Variants in KALRN observed in about 807,000 individuals in gnomAD.
KALRN encodes kalirin RhoGEF kinase, also known as kalirin.
In KALRN, 70 loss-of-function variants were observed where a neutral mutation model predicts 353.7. The observed-to-expected ratio is 0.20, with a 90% CI of 0.16 to 0.24. KALRN has a LOEUF of 0.24. Among genes scored for constraint, KALRN ranks in the 10% least tolerant of loss-of-function variants. The probability of loss-of-function intolerance (pLI) is 1.00; values close to 1 mark genes in which losing one functional copy is unlikely to be tolerated. For missense variants in KALRN, 2,791 were observed against 3,756.7 expected (o/e 0.74, Z 6.72); for synonymous variants, 1,391 against 1,434.8 (o/e 0.97, Z 0.69).
intron 58 of KALRN, among the ~76,000 whole-genome samples, chr3:124,715,673 G>A (rs1477383239): frequency 3.9e-5 from 6 of 152,326 alleles, no homozygotes; most frequent in African/African-American, 1.4e-4. Context: ...AAGCTAGAGG[G>A]GAAGAGGTAA....
At chr3:124,674,258 C>T in intron 48 of KALRN, 106 bp from the exon 49 acceptor site, 1 of 1,116,150 alleles carries the variant, frequency 9.0e-7, no homozygotes, top group Non-Finnish European at 1.3e-6. Flanking sequence ...GCTGCCTACC[C>T]TGCTAGTGGG....
At chr3:124,688,287 T>A (rs1463552695) in intron 51 of KALRN, among the ~76,000 whole-genome samples, 6 of 135,106 alleles carry the variant, frequency 4.4e-5, no homozygotes, top group Non-Finnish European at 9.1e-5. Flanking sequence ...CACTCCAGCA[T>A]GAGCAACAGC....
chr3:124,333,574 A>G (rs1459497018), intron 8 of KALRN, among the ~76,000 whole-genome samples: 2 of 152,084 alleles, frequency 1.3e-5, no homozygotes, highest in Non-Finnish European at 2.9e-5. Flanking sequence ...ATGCTGTCTG[A>G]CCTGGTGTGA....
intron 17 of KALRN, among the ~76,000 whole-genome samples, chr3:124,435,033 G>T (rs2093414236): frequency 6.6e-6 from 1 of 152,124 alleles, no homozygotes; most frequent in Non-Finnish European, 1.5e-5. Flanking sequence ...ATAGTTAAAG[G>T]CAGGAATGCA....
intron 1 of KALRN, among the ~76,000 whole-genome samples, chr3:124,132,118 T>C (rs1458569356): frequency 6.6e-6 from 1 of 152,170 alleles, no homozygotes; most frequent in Non-Finnish European, 1.5e-5. Context: ...TAACAAACAA[T>C]ATCCATTATT....
intron 1 of KALRN, among the ~76,000 whole-genome samples, chr3:124,102,300 T>C (rs1298018531): frequency 2.0e-5 from 3 of 152,206 alleles, no homozygotes; most frequent in Non-Finnish European, 4.4e-5. Context: ...CCTGTTGTTC[T>C]ATACCAGAGC....
In KALRN at chr3:124,117,391, A is replaced by G. The variant is rs74486014; in HGVS notation, c.73+83578A>G. Among the ~76,000 whole-genome samples, 62 of 152,098 alleles carry G rather than the reference A, an allele frequency of 4.1e-4. 1 individual carries two copies. In the East Asian group the frequency reaches 0.011, roughly 28 times the overall value. ...AAATTATTTTATATTTAAATAACTAAACATTTATTAAGGGTCATCTCTGGA... is the reference window on the plus strand; with the variant it reads ...AAATTATTTTATATTTAAATAACTAGACATTTATTAAGGGTCATCTCTGGA... On this transcript the variant is annotated intron_variant, in intron 1 of 59. Transcript: ENST00000682506.
At chr3:124,401,797 A>T (rs556085719) in intron 13 of KALRN, among the ~76,000 whole-genome samples, 14 of 152,246 alleles carry the variant, frequency 9.2e-5, no homozygotes, top group African/African-American at 3.4e-4. Flanking sequence ...AATCCTGCCA[A>T]ACCTATAGAA....
intron 1 of KALRN, among the ~76,000 whole-genome samples, chr3:124,209,645 G>A (rs2076733819): frequency 6.6e-6 from 1 of 152,060 alleles, no homozygotes; most frequent in African/African-American, 2.4e-5. Context: ...AAACCACTAA[G>A]AAATTATAGG....
At chr3:124,357,714 ATATCTCTAT>A (rs573402677) in intron 10 of KALRN, among the ~76,000 whole-genome samples, 2 of 152,288 alleles carry the variant, frequency 1.3e-5, no homozygotes, top group East Asian at 3.9e-4. Flanking sequence ...TACTCTGGTC[ATATCTCTAT>A]TATGGTAGTT....
chr3:124,066,577 G>A (rs771546564), intron 1 of KALRN, among the ~76,000 whole-genome samples: 1 of 152,206 alleles, frequency 6.6e-6, no homozygotes, highest in African/African-American at 2.4e-5. Flanking sequence ...CTCAAAAGGA[G>A]GTGTGACCTG....
intron 25 of KALRN, among the ~76,000 whole-genome samples, chr3:124,463,306 C>T (rs1326860985): frequency 2.6e-5 from 4 of 152,126 alleles, no homozygotes; most frequent in Admixed American, 6.5e-5. Flanking sequence ...TCTCAAGACA[C>T]AAAGAAGAAC....
At chr3:124,478,986 T>C (rs2061697436) in intron 27 of KALRN, among the ~76,000 whole-genome samples, 1 of 152,242 alleles carries the variant, frequency 6.6e-6, no homozygotes, top group African/African-American at 2.4e-5. Flanking sequence ...GCTTCCTGCA[T>C]GAATCCTTTC....
At chr3:124,615,299 C>G (rs530217092) in intron 34 of KALRN, among the ~76,000 whole-genome samples, 1 of 152,244 alleles carries the variant, frequency 6.6e-6, no homozygotes, top group East Asian at 1.9e-4. Context: ...TACAAAATAA[C>G]TACCCTGTAC....
intron 34 of KALRN, among the ~76,000 whole-genome samples, chr3:124,624,232 T>C (rs2079663761): frequency 1.3e-5 from 2 of 152,226 alleles, no homozygotes; most frequent in Admixed American, 1.3e-4. Flanking sequence ...ATCGGATCAA[T>C]TGTCCTGGCA....
At chr3:124,137,610 G>A (rs2066083203) in intron 1 of KALRN, among the ~76,000 whole-genome samples, 1 of 152,128 alleles carries the variant, frequency 6.6e-6, no homozygotes, top group Non-Finnish European at 1.5e-5. Context: ...CAAGCCTCCT[G>A]ACTAGCAGGG....
chr3:124,651,059 A>T lies in KALRN; in HGVS notation c.5795+121A>T, dbSNP rs919870057. On this transcript the variant is annotated intron_variant, in intron 38 of 59. Transcript: ENST00000682506. Reference sequence around the variant, plus strand: ...TGTTTCCACTGACATCTTTCATTCTAAGACTCAGATCTGTACAGCATAGCA... The same window carrying T: ...TGTTTCCACTGACATCTTTCATTCTTAGACTCAGATCTGTACAGCATAGCA... 53 of 1,235,860 alleles carry T rather than the reference A, an allele frequency of 4.3e-5. No homozygotes were observed. In the East Asian group the frequency reaches 1.2e-3, roughly 27 times the overall value. The allele number at this position is 1,235,860 out of a possible 1,614,324, so 76.6% of individuals were successfully genotyped here. A position where few individuals can be genotyped will look rare whatever the true frequency, so the allele number is the denominator to read the frequency against.
chr3:124,483,115 T>C (rs2062158503), intron 28 of KALRN, among the ~76,000 whole-genome samples: 1 of 152,218 alleles, frequency 6.6e-6, no homozygotes. Flanking sequence ...CAGGAATAAG[T>C]TGTGACTATT....
intron 10 of KALRN, among the ~76,000 whole-genome samples, chr3:124,349,687 TG>T (rs2082646726): frequency 1.3e-5 from 2 of 152,074 alleles, no homozygotes; most frequent in Non-Finnish European, 2.9e-5. Flanking sequence ...TGGTTATAAT[TG>T]TAAGTGTTAT....
Sources: allele counts gnomAD v4.1 joint callset (sites outside exome capture counted in the v4.1 genomes callset), GRCh38; gene constraint gnomAD v4.1.1; transcripts MANE v1.5; gene names NCBI Gene and HGNC (gene_info 2026-07-23, HGNC 2026-07-21).